Variants in KLF13 observed in about 807,000 individuals in gnomAD.
KLF13 encodes Krueppel-like factor 13.
In KLF13, 8 loss-of-function variants were observed where a neutral mutation model predicts 16.7. That is an observed-to-expected ratio of 0.48 (90% CI 0.28 to 0.87). KLF13 has a LOEUF of 0.87. KLF13 is among the 40% of genes least tolerant of loss of function. The pLI is 0.10. For synonymous variants in KLF13, 245 were observed against 208.4 expected, an observed-to-expected ratio of 1.18 and a Z score of -1.51; for missense variants, 447 against 452.2, an observed-to-expected ratio of 0.99 and a Z score of 0.10.
intron 1 of KLF13, among the ~76,000 whole-genome samples, chr15:31,351,468 G>A (rs766144866): frequency 1.8e-5 from 1 of 55,292 alleles, no homozygotes; most frequent in South Asian, 6.0e-4. Flanking sequence ...TTTCTAACCT[G>A]GTCTGAGTGG....
intron 1 of KLF13, among the ~76,000 whole-genome samples, chr15:31,434,565 G>A (rs1402415933): frequency 6.6e-6 from 1 of 152,214 alleles, no homozygotes; most frequent in East Asian, 1.9e-4. Context: ...TATCTCAGGG[G>A]CGTGGAAGGG....
chr15:31,394,142 C>G (rs1034097959), intron 2 of KLF13, among the ~76,000 whole-genome samples: 3 of 152,042 alleles, frequency 2.0e-5, no homozygotes, highest in Admixed American at 6.6e-5. Flanking sequence ...AGGAAGGTGC[C>G]AAGCAGTACA....
rs2038741184 is a variant in KLF13 at position 31,327,689 on chromosome 15, C to T, written c.477C>T (p.Asp159=). ...TCCGGCGGGGCCGAAGTCGCGCCGA[C>T]CTCGAGTCCCCGCAGAGGAAGCACA... is the stretch of plus-strand genomic sequence containing the variant. ...QRVRRGRSRA[D]LESPQRKHKC... is the part of the protein sequence containing the mutation. The change falls in exon 1 of 2, where the codon GAC becomes GAT. Residue 159 remains aspartate (D), a synonymous_variant. Transcript: ENST00000307145. 9 of 1,531,970 alleles carry T rather than the reference C, an allele frequency of 5.9e-6. No individual in the cohort carries two copies. The highest frequency in any genetic ancestry group is 1.7e-4 in the Middle Eastern group (1 of 5,750). 94.9% of individuals were successfully genotyped at this position (1,531,970 alleles called of 1,614,324 possible). A position where few individuals can be genotyped will look rare whatever the true frequency, so the allele number is the denominator to read the frequency against.
At chr15:31,404,353 G>C (rs905047004) in exon 3 of KLF13, 1 of 152,226 alleles carries the variant, frequency 6.6e-6, no homozygotes, top group Non-Finnish European at 1.5e-5. Context: ...CTTCTGGGTG[G>C]GGCGGGGACT....
At chr15:31,365,780 G>A (rs1457867184) in intron 1 of KLF13, among the ~76,000 whole-genome samples, 1 of 152,126 alleles carries the variant, frequency 6.6e-6, no homozygotes, top group Non-Finnish European at 1.5e-5. Flanking sequence ...GCACACTCCT[G>A]AGCTGGCTGC....
intron 1 of KLF13, chr15:31,366,466 G>C (rs1007033200): frequency 1.3e-5 from 2 of 152,390 alleles, no homozygotes; most frequent in South Asian, 4.1e-4. Context: ...TCTGAGATCC[G>C]GCAGGAAGGC....
At chr15:31,345,419 G>A (rs549226191) in intron 1 of KLF13, among the ~76,000 whole-genome samples, 16 of 152,320 alleles carry the variant, frequency 1.1e-4, no homozygotes, top group Non-Finnish European at 1.8e-4. Flanking sequence ...CTGCTGCACC[G>A]CTGGCCTGCC....
At chr15:31,409,368 A>T (rs190040432), downstream of KLF13, among the ~76,000 whole-genome samples, 7 of 152,284 alleles carry the variant, frequency 4.6e-5, no homozygotes, top group East Asian at 1.3e-3. Context: ...CAATATATGC[A>T]TTATACAAAT....
intron 1 of KLF13, among the ~76,000 whole-genome samples, chr15:31,435,166 G>A (rs986139665): frequency 1.3e-5 from 2 of 152,100 alleles, no homozygotes; most frequent in African/African-American, 4.8e-5. Flanking sequence ...TCAATGTGTT[G>A]TAGGCTGTGG....
chr15:31,345,524 A>T (rs1197405498), intron 1 of KLF13, among the ~76,000 whole-genome samples: 1 of 152,192 alleles, frequency 6.6e-6, no homozygotes, highest in Non-Finnish European at 1.5e-5. Flanking sequence ...GCAGCAGGGG[A>T]TCTCCAGGAG....
At chr15:31,346,675 C>T (rs1160655694) in intron 1 of KLF13, among the ~76,000 whole-genome samples, 1 of 152,244 alleles carries the variant, frequency 6.6e-6, no homozygotes, top group Non-Finnish European at 1.5e-5. Context: ...CTTTCTTTCT[C>T]TTTTAAAGGC....
chr15:31,381,041 G>A (rs562340437), downstream of KLF13, among the ~76,000 whole-genome samples: 9 of 151,940 alleles, frequency 5.9e-5, no homozygotes, highest in Admixed American at 3.3e-4. Context: ...GCATGGTGGC[G>A]GGTGCCTGTA....
chr15:31,367,181 C>G (rs1170822530), intron 1 of KLF13, among the ~76,000 whole-genome samples: 2 of 152,184 alleles, frequency 1.3e-5, no homozygotes, highest in African/African-American at 4.8e-5. Flanking sequence ...CTCCTGGGTG[C>G]TGCCTGAGTG....
chr15:31,340,106 G>A (rs140100412), intron 1 of KLF13: 15 of 695,522 alleles, frequency 2.2e-5, no homozygotes, highest in African/African-American at 8.7e-5. Context: ...CCAGGGTCTC[G>A]TCTTCGTTGT....
intron 2 of KLF13, among the ~76,000 whole-genome samples, chr15:31,397,635 C>T (rs1357611704): frequency 6.6e-6 from 1 of 152,220 alleles, no homozygotes; most frequent in African/African-American, 2.4e-5. Context: ...CTCAGTTTCC[C>T]CATCTATAAA....
intron 1 of KLF13, chr15:31,339,822 C>G (rs2038991521): frequency 3.1e-6 from 2 of 639,702 alleles, no homozygotes; most frequent in Admixed American, 2.2e-5. Context: ...TCCCGCCCCC[C>G]GCCTGCTGTC....
intron 1 of KLF13, among the ~76,000 whole-genome samples, chr15:31,344,861 C>T (rs969390357): frequency 3.9e-5 from 6 of 152,038 alleles, no homozygotes; most frequent in Admixed American, 6.5e-5. Flanking sequence ...TCCCTGGGTC[C>T]CCCAAGGAAG....
rs1364217160 is a variant in KLF13, at chr15:31,402,124, C to A, written n.530-1304C>A. On this transcript the variant is annotated intron_variant and non_coding_transcript_variant, in intron 2 of 2. Transcript: ENST00000500533. ...GAGACACTGCATGTCCAGGACACAA[C>A]CTCTGATCGAGGCTGTCAGGGGGCC... Among the ~76,000 whole-genome samples, 7 of 152,348 alleles carry A rather than the reference C, an allele frequency of 4.6e-5. No homozygotes were observed. In the East Asian group the frequency reaches 1.4e-3, roughly 29 times the overall value.
intron 1 of KLF13, among the ~76,000 whole-genome samples, chr15:31,427,122 C>G (rs2040409265): frequency 6.6e-6 from 1 of 152,166 alleles, no homozygotes; most frequent in Non-Finnish European, 1.5e-5. Context: ...TTGCAGACAG[C>G]CTATTGTGGG....
Sources: gnomAD v4.1 joint callset for allele counts (sites outside exome capture counted in the v4.1 genomes callset) on GRCh38, gnomAD v4.1.1 for gene constraint, MANE v1.5 for transcripts, NCBI Gene and HGNC (gene_info 2026-07-23, HGNC 2026-07-21) for gene names.